ITCH: variants seen among roughly 807,000 people sequenced by gnomAD.
ITCH encodes itchy E3 ubiquitin protein ligase, also known as E3 ubiquitin-protein ligase Itchy homolog.
Under a neutral mutation model 126.8 loss-of-function variants are expected in ITCH, and 28 were observed. The ratio of observed to expected loss-of-function variants is 0.22; its 90% confidence interval spans 0.16 to 0.30. ITCH has a LOEUF of 0.30. Among genes scored for constraint, ITCH ranks in the 10% least tolerant of loss-of-function variants. The pLI is 1.00. For synonymous variants in ITCH, 342 were observed against 340.0 expected (o/e 1.01, Z -0.06); for missense variants, 631 against 1,032.4 (o/e 0.61, Z 5.33).
At chr20:34,378,255 G>A (rs1030139056) in intron 2 of ITCH, among the ~76,000 whole-genome samples, 5 of 151,982 alleles carry the variant, frequency 3.3e-5, no homozygotes, top group African/African-American at 1.2e-4. Context: ...AGGATCACCT[G>A]AGGTCAGGAG....
intron 24 of ITCH, among the ~76,000 whole-genome samples, chr20:34,504,867 G>C (rs765849978): frequency 2.6e-5 from 4 of 151,942 alleles, no homozygotes; most frequent in Non-Finnish European, 5.9e-5. Flanking sequence ...GGTCCTTCCT[G>C]GATATCTGAC....
At chr20:34,397,991 G>T (rs1279883631) in intron 3 of ITCH, among the ~76,000 whole-genome samples, 15 of 149,626 alleles carry the variant, frequency 1.0e-4, no homozygotes, top group African/African-American at 3.7e-4. Flanking sequence ...CATCGTTATT[G>T]AATTTTTTTT....
At chr20:34,406,458 C>G (rs2039060601) in intron 3 of ITCH, among the ~76,000 whole-genome samples, 1 of 151,870 alleles carries the variant, frequency 6.6e-6, no homozygotes, top group Admixed American at 6.6e-5. Context: ...TATGTAAAGT[C>G]AGAGTTTCAG....
At chr20:34,399,875 C>G (rs1246451693) in intron 3 of ITCH, among the ~76,000 whole-genome samples, 1 of 152,038 alleles carries the variant, frequency 6.6e-6, no homozygotes. Flanking sequence ...CTCTCCTCAT[C>G]CTCTATAGTG....
intron 2 of ITCH, among the ~76,000 whole-genome samples, chr20:34,376,238 G>A (rs1249507028): frequency 4.6e-5 from 7 of 151,804 alleles, no homozygotes; most frequent in African/African-American, 1.5e-4. Flanking sequence ...AACCAGCCTC[G>A]GCAGCATGGT....
At chr20:34,497,893 G>T (rs1989992839) in intron 23 of ITCH, among the ~76,000 whole-genome samples, 2 of 152,352 alleles carry the variant, frequency 1.3e-5, no homozygotes, top group Admixed American at 6.5e-5. Flanking sequence ...TGGTATTTCT[G>T]TAGGGATTGC....
At chr20:34,417,225 T>C (rs1391275406) in intron 6 of ITCH, 4 of 650,908 alleles carry the variant, frequency 6.1e-6, no homozygotes, top group African/African-American at 5.6e-5. Context: ...GCCTCCCGAG[T>C]AGCTGGGTTT....
chr20:34,476,444 G>A (rs1455764504), intron 16 of ITCH: 61 of 1,219,032 alleles, frequency 5.0e-5, no homozygotes, highest in African/African-American at 6.3e-5. Flanking sequence ...GAAGCGGCGC[G>A]CAGCAGCCGG....
At position 34,481,321 on chromosome 20, in the gene ITCH, A is replaced by C. The variant is rs1290656418; in HGVS notation, c.2093+115A>C. On this transcript the variant is annotated intron_variant, in intron 20 of 24. Transcript: ENST00000374864. The stretch of plus-strand genomic sequence containing the variant: ...AATAGTATTTGTCTCTGTACTAATC[A>C]ATATCCTATGTAGGCAGTCATTTTT... 7 of 1,145,160 alleles carry C rather than the reference A, an allele frequency of 6.1e-6. No homozygotes were observed. The African/African-American group carries it at 9.3e-5, about 15-fold the overall frequency. The allele number at this position is 1,145,160 out of a possible 1,614,324, so 70.9% of individuals were successfully genotyped here.
At chr20:34,381,699 T>G (rs181819386) in intron 2 of ITCH, among the ~76,000 whole-genome samples, 4 of 151,966 alleles carry the variant, frequency 2.6e-5, no homozygotes, top group African/African-American at 9.7e-5. Flanking sequence ...GTGCTGAGAT[T>G]ACAGACGTGA....
At chr20:34,425,411 A>G (rs59131676) in intron 7 of ITCH, among the ~76,000 whole-genome samples, 124 of 152,212 alleles carry the variant, frequency 8.1e-4, no homozygotes, top group East Asian at 5.0e-3. Flanking sequence ...CTCCAGCCCA[A>G]CACCTGTGAA....
Position 34,416,022 on chromosome 20 carries a change from T to C in ITCH, c.475+2143T>C, listed in dbSNP as rs994118887. Among the ~76,000 whole-genome samples, 6 of 152,028 alleles carry C rather than the reference T, an allele frequency of 3.9e-5. No homozygotes were observed. In the East Asian group the frequency reaches 9.6e-4, roughly 24 times the overall value. ...CCGTAAGCCCAGCTGCTCGAGAGGCTGAGGCAGGAGAATCTCTTGAAACCA... is the reference window on the plus strand; with the variant it reads ...CCGTAAGCCCAGCTGCTCGAGAGGCCGAGGCAGGAGAATCTCTTGAAACCA... On this transcript the variant is annotated intron_variant, in intron 6 of 24. Coordinates refer to ENST00000374864, the MANE Select transcript of ITCH (RefSeq NM_031483.7).
chr20:34,463,960 G>A (rs952076645), intron 14 of ITCH, among the ~76,000 whole-genome samples: 20 of 151,738 alleles, frequency 1.3e-4, no homozygotes, highest in African/African-American at 4.8e-4. Flanking sequence ...TTTGATGTCT[G>A]ATTTGTCAAT....
At chr20:34,468,678 C>A (rs1475239725) in intron 14 of ITCH, among the ~76,000 whole-genome samples, 2 of 151,776 alleles carry the variant, frequency 1.3e-5, no homozygotes, top group African/African-American at 4.8e-5. Context: ...GTAATCCCAG[C>A]TACTCAGGAG....
chr20:34,481,904 G>A (rs975237917), intron 20 of ITCH, among the ~76,000 whole-genome samples: 1 of 152,126 alleles, frequency 6.6e-6, no homozygotes, highest in Non-Finnish European at 1.5e-5. Context: ...CCAGCTACTA[G>A]GGAGGCTGAG....
chr20:34,384,761 TG>T (rs2038209600), intron 2 of ITCH, among the ~76,000 whole-genome samples: 1 of 150,210 alleles, frequency 6.7e-6, no homozygotes, highest in Non-Finnish European at 1.5e-5. Context: ...CCCGGGTTCT[TG>T]CCATTCTCCT....
intron 17 of ITCH, 58 bp downstream of exon 17, chr20:34,477,918 C>T: frequency 6.2e-7 from 1 of 1,602,752 alleles, no homozygotes. Context: ...TACCATTGCA[C>T]TTCGCTTGCA....
chr20:34,498,228 T>G (rs1990015169), intron 23 of ITCH, among the ~76,000 whole-genome samples: 2 of 152,220 alleles, frequency 1.3e-5, no homozygotes, highest in Non-Finnish European at 2.9e-5. Flanking sequence ...CAATAATTTT[T>G]TATTGGTGGA....
rs1440681677 is a variant in ITCH at position 34,507,286 on chromosome 20, TTTTG to T, written c.2490-408_2490-405del. ...CTGTTTTTTTTTTTTTTTTTTTTTT[TTTTG>T]GTTGTTGTTGTTGTTGTTTTGGTGT... On this transcript the variant is annotated intron_variant, in intron 24 of 24. Transcript: ENST00000374864. Among the ~76,000 whole-genome samples the T allele has an allele frequency of 4.8e-3, 485 of 101,252 alleles. 1 individual carries two copies. The highest frequency in any genetic ancestry group is 7.6e-3 in the South Asian group (19 of 2,494). The allele number at this position is 101,252 out of a possible 152,430, so 66.4% of individuals were successfully genotyped here. A position where few individuals can be genotyped will look rare whatever the true frequency, so the allele number is the denominator to read the frequency against.
Sources: gnomAD v4.1 joint callset for allele counts (sites outside exome capture counted in the v4.1 genomes callset) on GRCh38, gnomAD v4.1.1 for gene constraint, MANE v1.5 for transcripts, NCBI Gene and HGNC (gene_info 2026-07-23, HGNC 2026-07-21) for gene names.